Variants in MTF1 observed in about 807,000 individuals in gnomAD.
The protein encoded by MTF1 is metal regulatory transcription factor 1.
Under a neutral mutation model 70.4 loss-of-function variants are expected in MTF1, and 22 were observed. The ratio of observed to expected loss-of-function variants is 0.31; its 90% CI spans 0.22 to 0.45. The LOEUF is 0.45. MTF1 is among the 20% of genes least tolerant of loss of function. The pLI is 1.00. For missense variants in MTF1, 649 were observed against 922.0 expected, an observed-to-expected ratio of 0.70 and a Z score of 3.83; for synonymous variants, 333 against 352.8, an observed-to-expected ratio of 0.94 and a Z score of 0.63.
intron 9 of MTF1, among the ~76,000 whole-genome samples, chr1:37,819,253 C>A (rs879490658): frequency 1.3e-5 from 2 of 152,208 alleles, no homozygotes; most frequent in Non-Finnish European, 2.9e-5. Context: ...CCAAAAACCT[C>A]TTCAAAGGCC....
chr1:37,852,329 A>C (rs1273853688), intron 2 of MTF1, among the ~76,000 whole-genome samples: 2 of 152,314 alleles, frequency 1.3e-5, no homozygotes, highest in East Asian at 3.9e-4. Context: ...AGGACTATAC[A>C]TTCAATACAC....
chr1:37,855,069 A>G (rs1243370780), intron 2 of MTF1, among the ~76,000 whole-genome samples: 1 of 152,156 alleles, frequency 6.6e-6, no homozygotes, highest in Non-Finnish European at 1.5e-5. Context: ...CAAAAAAAGA[A>G]GAAAAAAAGG....
At chr1:37,854,739 T>C (rs963279930) in intron 2 of MTF1, among the ~76,000 whole-genome samples, 2 of 152,224 alleles carry the variant, frequency 1.3e-5, no homozygotes, top group African/African-American at 4.8e-5. Flanking sequence ...CTCACACTTA[T>C]GAGACTGCGC....
chr1:37,841,557 C>A, intron 2 of MTF1: 1 of 183,612 alleles, frequency 5.4e-6, no homozygotes, highest in South Asian at 1.2e-4. Flanking sequence ...GCTACCTGAC[C>A]CCTGATCTCT....
At chr1:37,858,484 CT>C (rs1641536318) in intron 1 of MTF1, 1 of 152,186 alleles carries the variant, frequency 6.6e-6, no homozygotes, top group Non-Finnish European at 1.5e-5. Context: ...TCCTTCCCCC[CT>C]ACCTAGAACA....
At chr1:37,820,240 ATAG>A (rs1207619653) in intron 9 of MTF1, among the ~76,000 whole-genome samples, 4 of 152,188 alleles carry the variant, frequency 2.6e-5, no homozygotes, top group African/African-American at 9.7e-5. Context: ...AGTGTGTCTA[ATAG>A]TAGCATACAT....
intron 2 of MTF1, among the ~76,000 whole-genome samples, chr1:37,847,063 G>C (rs140490137): frequency 7.3e-4 from 111 of 152,168 alleles, no homozygotes; most frequent in Middle Eastern, 6.8e-3. Flanking sequence ...CAACCAAAAA[G>C]CTCAGAAATA....
At chr1:37,839,267 A>G (rs1448370371) in intron 3 of MTF1, among the ~76,000 whole-genome samples, 4 of 152,220 alleles carry the variant, frequency 2.6e-5, no homozygotes, top group African/African-American at 9.6e-5. Context: ...CTCTGGAGAC[A>G]GACTTCCTGG....
At chr1:37,858,004 C>A in intron 1 of MTF1, among the ~76,000 whole-genome samples, 1 of 143,280 alleles carries the variant, frequency 7.0e-6, no homozygotes. Context: ...TAGTGAGACC[C>A]CCATCTCTAA....
chr1:37,810,131 A>G lies in MTF1; in HGVS notation c.*5005T>C, dbSNP rs1640687828. 1 of 152,390 alleles carries G rather than the reference A, an allele frequency of 6.6e-6. No individual in the cohort carries two copies. Among genetic ancestry groups the G allele is most frequent in the Non-Finnish European group, 1.5e-5 (1 of 68,050 alleles). 9.4% of individuals were successfully genotyped at this position (152,390 alleles called of 1,614,324 possible). The stretch of plus-strand genomic sequence containing the variant: ...AAGGATGTAGACTGTTGAGTCAAAT[A>G]GCCCTTGGGAGGCCTGAGAACACAG... On this transcript the variant is annotated 3_prime_UTR_variant, in exon 11 of 11. Transcript: ENST00000373036.
intron 9 of MTF1, 53 bp from the exon 10 acceptor site, chr1:37,817,535 C>T (rs1037268554): frequency 7.9e-6 from 10 of 1,262,170 alleles, no homozygotes; most frequent in East Asian, 2.3e-5. Flanking sequence ...TGGCAGATCC[C>T]CAGGGACCTG....
At position 37,813,435 on chromosome 1, in the gene MTF1, G is replaced by T. The variant is rs1434706032; in HGVS notation, c.*1701C>A. ...TCCCTGAACATCCTTGCTAAAGGCA[G>T]GGAGGGCCTCTGGCTCCAAGGTAAA... On this transcript the variant is annotated 3_prime_UTR_variant, in exon 11 of 11. Coordinates refer to ENST00000373036, the MANE Select transcript of MTF1 (RefSeq NM_005955.3). The T allele has an allele frequency of 6.6e-6, 1 of 152,266 alleles. No individual in the cohort carries two copies. Among genetic ancestry groups the T allele is most frequent in the Non-Finnish European group, 1.5e-5 (1 of 68,074 alleles). 9.4% of individuals were successfully genotyped at this position (152,266 alleles called of 1,614,324 possible).
intron 7 of MTF1, among the ~76,000 whole-genome samples, chr1:37,824,653 G>A (rs746784574): frequency 6.4e-4 from 98 of 152,210 alleles, no homozygotes; most frequent in African/African-American, 2.0e-3. Flanking sequence ...AGCCAAGATC[G>A]CACCACTGCA....
At position 37,812,855 on chromosome 1, in the gene MTF1, G is replaced by A. The variant is rs1640758046; in HGVS notation, c.*2281C>T. On this transcript the variant is annotated 3_prime_UTR_variant, in exon 11 of 11. Transcript: ENST00000373036. ...GGGTGCGAGGCCCAGAGACAGCCAAGGACAACTCATGCTCAGCAGTTGGTT... is the reference window on the plus strand; with the variant it reads ...GGGTGCGAGGCCCAGAGACAGCCAAAGACAACTCATGCTCAGCAGTTGGTT... 1 of 152,256 alleles carries A rather than the reference G, an allele frequency of 6.6e-6. No homozygotes were observed. The highest frequency in any genetic ancestry group is 6.5e-5 in the Admixed American group (1 of 15,292). 9.4% of individuals were successfully genotyped at this position (152,256 alleles called of 1,614,324 possible).
chr1:37,820,748 T>G (rs1204845321), intron 9 of MTF1, among the ~76,000 whole-genome samples: 1 of 152,174 alleles, frequency 6.6e-6, no homozygotes, highest in Non-Finnish European at 1.5e-5. Context: ...GCACAAAGAA[T>G]GGACCCTAAA....
Position 37,840,826 on chromosome 1 carries a change from C to T in MTF1, c.409-668G>A, listed in dbSNP as rs1012107310. ...TGCTTCTCCGACAAATATCAAATGG[C>T]AGATGACTCTAGTGCAGTGGAGGGC... On this transcript the variant is annotated intron_variant, in intron 2 of 10. Transcript: ENST00000373036. This position sits in a 1 kb window ranked among gnomAD's most constrained non-coding sequence, Gnocchi z 4.5. Among the ~76,000 whole-genome samples the T allele has an allele frequency of 6.6e-6, 1 of 151,384 alleles. No individual in the cohort carries two copies. The highest frequency in any genetic ancestry group is 1.5e-5 in the Non-Finnish European group (1 of 67,898).
rs1201464079 is a variant in MTF1 at position 37,857,660 on chromosome 1, G to A, written c.-2C>T. On this transcript the variant is annotated 5_prime_UTR_variant, in exon 2 of 11. Transcript: ENST00000373036. Reference sequence around the variant, plus strand: ...GTTGTCTGGACTGTGTTCCCCCATGGTTCAGTTGTGCTCAGCCCAGTTGTG... The same window carrying A: ...GTTGTCTGGACTGTGTTCCCCCATGATTCAGTTGTGCTCAGCCCAGTTGTG... The A allele has an allele frequency of 6.2e-7, 1 of 1,613,184 alleles. No individual in the cohort carries two copies. The highest frequency in any genetic ancestry group is 8.5e-7 in the Non-Finnish European group (1 of 1,179,626).
intron 7 of MTF1, 66 bp from the exon 8 acceptor site, chr1:37,823,878 C>T (rs1640961596): frequency 1.7e-6 from 2 of 1,156,136 alleles, no homozygotes; most frequent in Non-Finnish European, 1.3e-6. Context: ...TGAGAAAACA[C>T]ATTCAAAGCA....
In MTF1 at chr1:37,812,345, A is replaced by C. The variant is rs563904486; in HGVS notation, c.*2791T>G. Reference sequence around the variant, plus strand: ...AGAGAACTGGAAAAGGAGGGAAAGAAAGACTGCCTATCCTGGGAAATAAAC... The same window carrying C: ...AGAGAACTGGAAAAGGAGGGAAAGACAGACTGCCTATCCTGGGAAATAAAC... On this transcript the variant is annotated 3_prime_UTR_variant, in exon 11 of 11. Transcript: ENST00000373036. 6.6e-6 allele frequency: 1 copy of C among 152,356 alleles called. No homozygotes were observed. Among genetic ancestry groups the C allele is most frequent in the South Asian group, 2.1e-4 (1 of 4,828 alleles). The allele number at this position is 152,356 out of a possible 1,614,324, so 9.4% of individuals were successfully genotyped here.
Sources: gnomAD v4.1 joint callset for allele counts (sites outside exome capture counted in the v4.1 genomes callset) on GRCh38, gnomAD v4.1.1 for gene constraint, Gnocchi (gnomAD v3.1) non-coding constraint, MANE v1.5 for transcripts, NCBI Gene and HGNC (gene_info 2026-07-23, HGNC 2026-07-21) for gene names.